Variants in KCNK2 observed in about 807,000 individuals in gnomAD.
The protein encoded by KCNK2 is potassium channel subfamily K member 2.
KCNK2 carries 21 observed loss-of-function variants against 40.5 expected under a neutral mutation model. The ratio of observed to expected loss-of-function variants is 0.52; its 90% confidence interval spans 0.37 to 0.75. The LOEUF (loss-of-function observed/expected upper bound fraction) is 0.75, where lower values mean the gene tolerates loss of function less well. Ranked by LOEUF, KCNK2 falls within the 30% of genes least tolerant of loss-of-function variation. The pLI, the probability that KCNK2 is intolerant of heterozygous loss-of-function variation, is 0.00. For synonymous variants in KCNK2, 191 were observed against 202.2 expected, an observed-to-expected ratio of 0.94 and a Z score of 0.47; for missense variants, 399 against 531.6, an observed-to-expected ratio of 0.75 and a Z score of 2.45.
chr1:215,118,348 A>T (rs1442448345), intron 2 of KCNK2, among the ~76,000 whole-genome samples: 3 of 152,178 alleles, frequency 2.0e-5, no homozygotes, highest in Non-Finnish European at 4.4e-5. Flanking sequence ...AATCGTAATG[A>T]TACCCACTAT....
upstream of KCNK2, among the ~76,000 whole-genome samples, chr1:215,078,103 G>A (rs543339148): frequency 1.3e-5 from 2 of 152,170 alleles, no homozygotes; most frequent in Non-Finnish European, 2.9e-5. Context: ...TAACACTAAT[G>A]TTAGCTGATG....
chr1:215,194,866 A>G, intron 5 of KCNK2, 87 bp from the exon 6 acceptor site: 1 of 1,301,132 alleles, frequency 7.7e-7, no homozygotes, highest in Non-Finnish European at 1.1e-6. Context: ...TTTGCAAACC[A>G]AAATTTAGTT....
chr1:215,109,500 A>G (rs2102560965), intron 2 of KCNK2, among the ~76,000 whole-genome samples: 1 of 152,068 alleles, frequency 6.6e-6, no homozygotes, highest in East Asian at 1.9e-4. Flanking sequence ...TAATGTAATA[A>G]TCTCCAGTTC....
chr1:215,119,013 C>G (rs764550259), intron 2 of KCNK2, among the ~76,000 whole-genome samples: 2 of 152,092 alleles, frequency 1.3e-5, no homozygotes, highest in African/African-American at 4.8e-5. Context: ...TAAGTAAAAT[C>G]AGAACTTCTG....
intron 1 of KCNK2, among the ~76,000 whole-genome samples, chr1:215,060,554 C>T (rs1180808990): frequency 6.6e-6 from 1 of 152,118 alleles, no homozygotes; most frequent in African/African-American, 2.4e-5. Flanking sequence ...ATCCGGTTTC[C>T]TTTTAAGAAA....
intron 6 of KCNK2, among the ~76,000 whole-genome samples, chr1:215,229,014 G>T (rs943967521): frequency 6.7e-6 from 1 of 150,348 alleles, no homozygotes; most frequent in South Asian, 2.2e-4. Flanking sequence ...TTTGAATACA[G>T]CCCCAAATAA....
upstream of KCNK2, among the ~76,000 whole-genome samples, chr1:215,079,568 A>C (rs1659076183): frequency 6.6e-6 from 1 of 152,230 alleles, no homozygotes; most frequent in Admixed American, 6.5e-5. Context: ...TCAGAACAGC[A>C]AGGGGAACGT....
Position 215,235,594 on chromosome 1 carries a change from T to C in KCNK2, c.*449T>C. 1 of 154,690 alleles carries C rather than the reference T, an allele frequency of 6.5e-6. No homozygotes were observed. The highest frequency in any genetic ancestry group is 1.4e-5 in the Non-Finnish European group (1 of 69,384). The allele number at this position is 154,690 out of a possible 1,614,324, so 9.6% of individuals were successfully genotyped here. On this transcript the variant is annotated 3_prime_UTR_variant, in exon 7 of 7. Transcript: ENST00000444842. Reference sequence around the variant, plus strand: ...AATGACAAGAAATTCTTATGCAGCCTTTTACCTAAGAAATTTTCTGTCAGT... The same window carrying C: ...AATGACAAGAAATTCTTATGCAGCCCTTTACCTAAGAAATTTTCTGTCAGT...
chr1:215,036,801 T>C (rs1021856850), intron 1 of KCNK2, among the ~76,000 whole-genome samples: 1 of 151,914 alleles, frequency 6.6e-6, no homozygotes, highest in African/African-American at 2.4e-5. Context: ...GTGTTATTGT[T>C]TAGTTAATTT....
At chr1:215,129,923 A>G (rs556507146) in intron 3 of KCNK2, among the ~76,000 whole-genome samples, 1 of 152,302 alleles carries the variant, frequency 6.6e-6, no homozygotes, top group South Asian at 2.1e-4. Flanking sequence ...TTGGTCTTTG[A>G]CCCAGGTTCT....
upstream of KCNK2, among the ~76,000 whole-genome samples, chr1:215,082,685 C>T (rs1558081812): frequency 6.7e-6 from 1 of 149,784 alleles, no homozygotes; most frequent in South Asian, 2.1e-4. Flanking sequence ...CAAGCCCTGG[C>T]GGTGAGACAG....
chr1:215,195,496 G>T (rs749650766), intron 6 of KCNK2, among the ~76,000 whole-genome samples: 20 of 151,884 alleles, frequency 1.3e-4, no homozygotes, highest in Non-Finnish European at 2.9e-4. Context: ...AAATAATGTG[G>T]AAGGCTTTTT....
At chr1:215,191,306 TA>T (rs1664655866) in intron 5 of KCNK2, among the ~76,000 whole-genome samples, 2 of 151,254 alleles carry the variant, frequency 1.3e-5, no homozygotes, top group Non-Finnish European at 2.9e-5. Context: ...AAATGCCTTT[TA>T]AAAGGTGTCT....
At chr1:215,155,055 T>C (rs189971223) in intron 3 of KCNK2, among the ~76,000 whole-genome samples, 10 of 152,296 alleles carry the variant, frequency 6.6e-5, no homozygotes, top group Non-Finnish European at 1.3e-4. Flanking sequence ...CCTTTTTTCA[T>C]AATATTTTAC....
chr1:215,216,506 CTA>C (rs920834954), intron 6 of KCNK2, among the ~76,000 whole-genome samples: 6 of 148,058 alleles, frequency 4.1e-5, no homozygotes, highest in East Asian at 1.9e-4. Flanking sequence ...ATTATATATG[CTA>C]TATGTTACTT....
chr1:215,110,417 C>T (rs1480413632), intron 2 of KCNK2, among the ~76,000 whole-genome samples: 1 of 151,700 alleles, frequency 6.6e-6, no homozygotes, highest in Non-Finnish European at 1.5e-5. Context: ...GTCCAGTTTC[C>T]CTCTTTTTGG....
intron 2 of KCNK2, among the ~76,000 whole-genome samples, chr1:215,103,049 G>T (rs761717381): frequency 6.6e-6 from 1 of 151,942 alleles, no homozygotes; most frequent in Admixed American, 6.6e-5. Context: ...GTTTGGTGAA[G>T]AATTTTCGAG....
Position 215,236,054 on chromosome 1 carries a change from A to G in KCNK2, c.*909A>G, listed in dbSNP as rs934070258. Reference sequence around the variant, plus strand: ...AAAGGCAGAAGAAGAAAATCTATCTATCTATCTATCTATCTATCTATCTAT... The same window carrying G: ...AAAGGCAGAAGAAGAAAATCTATCTGTCTATCTATCTATCTATCTATCTAT... On this transcript the variant is annotated 3_prime_UTR_variant, in exon 7 of 7. Coordinates refer to ENST00000444842, the MANE Select transcript of KCNK2 (RefSeq NM_001017425.3). 8 of 130,268 alleles carry G rather than the reference A, an allele frequency of 6.1e-5. No homozygotes were observed. The highest frequency in any genetic ancestry group is 1.2e-4 in the Non-Finnish European group (7 of 59,518). The allele number at this position is 130,268 out of a possible 1,614,324, so 8.1% of individuals were successfully genotyped here.
intron 1 of KCNK2, among the ~76,000 whole-genome samples, chr1:215,017,337 C>CTG (rs1240962816): frequency 6.6e-6 from 1 of 152,044 alleles, no homozygotes; most frequent in Admixed American, 6.6e-5. Context: ...ATTAAATCAA[C>CTG]ATAAGTGTCC....
Sources: allele counts gnomAD v4.1 joint callset (sites outside exome capture counted in the v4.1 genomes callset), GRCh38; gene constraint gnomAD v4.1.1; transcripts MANE v1.5; gene names NCBI Gene and HGNC (gene_info 2026-07-23, HGNC 2026-07-21).